OPRM1: variants seen among roughly 807,000 people sequenced by gnomAD.
OPRM1 encodes opioid receptor mu 1, also known as mu-type opioid receptor.
A neutral mutation model predicts 31.8 loss-of-function variants in OPRM1; 27 were observed. That is an observed-to-expected ratio of 0.85 (90% CI 0.63 to 1.17). OPRM1 has a LOEUF of 1.17. OPRM1 is among the 50% of genes most tolerant of loss of function. The pLI is 0.00. For missense variants in OPRM1, 536 were observed against 511.1 expected, an observed-to-expected ratio of 1.05 and a Z score of -0.47; for synonymous variants, 196 against 189.9, an observed-to-expected ratio of 1.03 and a Z score of -0.26.
intron 3 of OPRM1, among the ~76,000 whole-genome samples, chr6:154,193,623 CA>C (rs1802127755): frequency 6.6e-6 from 1 of 152,120 alleles, no homozygotes; most frequent in Non-Finnish European, 1.5e-5. Flanking sequence ...AGGATTTAAT[CA>C]ACAACAAGAA....
intron 1 of OPRM1, among the ~76,000 whole-genome samples, chr6:154,056,016 A>T (rs753911926): frequency 1.1e-4 from 16 of 152,320 alleles, no homozygotes; most frequent in Non-Finnish European, 1.9e-4. Context: ...AGGGATTTCT[A>T]ATTTCATCCC....
intron 3 of OPRM1, among the ~76,000 whole-genome samples, chr6:154,197,945 G>T (rs1377324121): frequency 2.6e-5 from 4 of 152,154 alleles, no homozygotes; most frequent in African/African-American, 7.2e-5. Context: ...AGTTTCACCA[G>T]TCCTATATCT....
intron 1 of OPRM1, among the ~76,000 whole-genome samples, chr6:154,028,915 A>C (rs1373233487): frequency 6.6e-6 from 1 of 152,164 alleles, no homozygotes; most frequent in Non-Finnish European, 1.5e-5. Flanking sequence ...TATGAACTTA[A>C]AACCAAGTGC....
intron 3 of OPRM1, among the ~76,000 whole-genome samples, chr6:154,244,528 G>A (rs560558940): frequency 2.0e-5 from 3 of 152,194 alleles, no homozygotes; most frequent in Non-Finnish European, 4.4e-5. Flanking sequence ...TGCCATGAAA[G>A]CAAGCCAGGG....
intron 1 of OPRM1, among the ~76,000 whole-genome samples, chr6:154,017,329 A>G (rs1160414653): frequency 6.6e-6 from 1 of 152,186 alleles, no homozygotes; most frequent in African/African-American, 2.4e-5. Context: ...CACAGCCAAA[A>G]ATCTAACTGA....
At chr6:154,089,667 G>T in intron 1 of OPRM1, 159 bp from the exon 2 acceptor site, 4 of 587,302 alleles carry the variant, frequency 6.8e-6, no homozygotes, top group Non-Finnish European at 9.0e-6. Context: ...GTACATCATT[G>T]ACATCATTGT....
chr6:154,025,774 T>C (rs1338684959), intron 1 of OPRM1, among the ~76,000 whole-genome samples: 1 of 152,050 alleles, frequency 6.6e-6, no homozygotes, highest in Non-Finnish European at 1.5e-5. Flanking sequence ...GAAAACAATT[T>C]AGCACTTTTT....
Position 154,132,065 on chromosome 6 carries a change from C to A in OPRM1, c.*13344C>A, listed in dbSNP as rs1797929748. On this transcript the variant is annotated 3_prime_UTR_variant, in exon 4 of 4. Transcript: ENST00000330432. The stretch of plus-strand genomic sequence containing the variant: ...TACTATTTCACATTTCCAGGTAGGA[C>A]AGGATGATCAGATGCAGCTTTCAAA... Among the ~76,000 whole-genome samples the A allele has an allele frequency of 6.6e-6, 1 of 151,442 alleles. No homozygotes were observed. The highest frequency in any genetic ancestry group is 6.6e-5 in the Admixed American group (1 of 15,158).
At chr6:154,182,242 C>A (rs541940632) in intron 3 of OPRM1, among the ~76,000 whole-genome samples, 1 of 152,180 alleles carries the variant, frequency 6.6e-6, no homozygotes, top group Admixed American at 6.5e-5. Flanking sequence ...CCTTCTCTGC[C>A]AGAGTCATGT....
chr6:154,115,512 C>A (rs1156329087), intron 3 of OPRM1, among the ~76,000 whole-genome samples: 2 of 152,034 alleles, frequency 1.3e-5, no homozygotes, highest in African/African-American at 4.8e-5. Flanking sequence ...TGCACTCCAG[C>A]CTGGGTGACA....
chr6:154,209,865 A>G (rs746960340), intron 3 of OPRM1, among the ~76,000 whole-genome samples: 14 of 152,182 alleles, frequency 9.2e-5, no homozygotes, highest in Non-Finnish European at 1.8e-4. Context: ...ACGATTTCCA[A>G]TATATTTCTT....
At chr6:154,199,637 C>T (rs759986941) in intron 3 of OPRM1, 1 of 1,546,078 alleles carries the variant, frequency 6.5e-7, no homozygotes, top group Admixed American at 1.9e-5. Flanking sequence ...TATTCACTCT[C>T]TAACGAAGAA....
chr6:154,078,888 A>G (rs989462270), intron 1 of OPRM1, among the ~76,000 whole-genome samples: 8 of 152,020 alleles, frequency 5.3e-5, no homozygotes, highest in Non-Finnish European at 1.0e-4. Flanking sequence ...AGGAGGGGGA[A>G]AAAAAATCAT....
At position 154,120,002 on chromosome 6, in the gene OPRM1, A is replaced by G. The variant is rs1797214913; in HGVS notation, c.*1281A>G. Among the ~76,000 whole-genome samples the G allele has an allele frequency of 6.6e-6, 1 of 152,226 alleles. No homozygotes were observed. The highest frequency in any genetic ancestry group is 1.5e-5 in the Non-Finnish European group (1 of 68,020). The stretch of plus-strand genomic sequence containing the variant: ...GATTTTCTTTGTTGTGAAACACAGT[A>G]GAGATTTGGCAATCAACCATTTTAC... On this transcript the variant is annotated 3_prime_UTR_variant, in exon 4 of 4. Coordinates refer to ENST00000330432, the MANE Select transcript of OPRM1 (RefSeq NM_000914.5).
chr6:154,037,899 A>G (rs1381249885), upstream of OPRM1, among the ~76,000 whole-genome samples: 4 of 152,176 alleles, frequency 2.6e-5, no homozygotes, highest in African/African-American at 7.2e-5. Context: ...ACATGAACTA[A>G]GCACAAAGGA....
At position 154,122,643 on chromosome 6, in the gene OPRM1, G is replaced by A. The variant is rs1797367738; in HGVS notation, c.*3922G>A. On this transcript the variant is annotated 3_prime_UTR_variant, in exon 4 of 4. Coordinates refer to ENST00000330432, the MANE Select transcript of OPRM1 (RefSeq NM_000914.5). ...AAATATAAAAAGTACAAGGAATTGT[G>A]TACATTACAAACTGCTCCAGAAACA... Among the ~76,000 whole-genome samples the A allele has an allele frequency of 1.3e-5, 2 of 152,154 alleles. No individual in the cohort carries two copies.
At chr6:154,017,956 C>T (rs922001537) in intron 1 of OPRM1, among the ~76,000 whole-genome samples, 1 of 152,178 alleles carries the variant, frequency 6.6e-6, no homozygotes, top group Non-Finnish European at 1.5e-5. Flanking sequence ...TTCATGATCA[C>T]ACACCAAGTG....
chr6:154,093,353 T>A (rs1434788966), intron 3 of OPRM1: 1 of 1,614,056 alleles, frequency 6.2e-7, no homozygotes, highest in African/African-American at 1.3e-5. Flanking sequence ...AAGGACCTCT[T>A]GTCAGATATG....
upstream of OPRM1, chr6:154,039,179 G>C (rs1291550261): frequency 1.4e-5 from 22 of 1,551,518 alleles, no homozygotes; most frequent in Non-Finnish European, 1.9e-5. Context: ...GCACAGAAGA[G>C]TGCCCAGTGA....
Sources: allele counts gnomAD v4.1 joint callset (sites outside exome capture counted in the v4.1 genomes callset), GRCh38; gene constraint gnomAD v4.1.1; transcripts MANE v1.5; gene names NCBI Gene and HGNC (gene_info 2026-07-23, HGNC 2026-07-21).